Variants in EYS observed in about 807,000 individuals in gnomAD.
EYS encodes EGF-like photoreceptor maintenance factor.
Under a neutral mutation model 282.1 loss-of-function variants are expected in EYS, and 250 were observed. The observed-to-expected ratio is 0.89, with a 90% CI of 0.80 to 0.98. The LOEUF (loss-of-function observed/expected upper bound fraction) is 0.98, where lower values mean the gene tolerates loss of function less well. Among genes scored for constraint, EYS ranks in the 50% least tolerant of loss-of-function variants. The pLI, the probability that EYS is intolerant of heterozygous loss-of-function variation, is 0.00. For synonymous variants in EYS, 1,355 were observed against 1,282.9 expected (o/e 1.06, Z -1.20); for missense variants, 4,016 against 3,709.0 (o/e 1.08, Z -2.15).
chr6:65,372,517 C>A (rs1392406772), intron 8 of EYS, among the ~76,000 whole-genome samples: 2 of 151,568 alleles, frequency 1.3e-5, no homozygotes, highest in Non-Finnish European at 2.9e-5. Flanking sequence ...TATTGGATGC[C>A]ATTTATTTAT....
intron 2 of EYS, among the ~76,000 whole-genome samples, chr6:65,618,655 T>C (rs1227241375): frequency 2.6e-5 from 4 of 152,246 alleles, no homozygotes; most frequent in Middle Eastern, 3.2e-3. Flanking sequence ...TGGTAATGCC[T>C]AGGTTTTCTT....
At chr6:64,930,788 G>T (rs1408925234) in intron 15 of EYS, among the ~76,000 whole-genome samples, 8 of 152,148 alleles carry the variant, frequency 5.3e-5, no homozygotes, top group Admixed American at 5.2e-4. Flanking sequence ...AAGAAAAGCA[G>T]GCCAAAGCAT....
intron 2 of EYS, among the ~76,000 whole-genome samples, chr6:65,627,275 T>G (rs187098327): frequency 6.6e-6 from 1 of 152,324 alleles, no homozygotes; most frequent in Non-Finnish European, 1.5e-5. Context: ...CCCAGTGAAC[T>G]TGTAGCTTTA....
chr6:65,061,691 T>G (rs534153922), intron 12 of EYS, among the ~76,000 whole-genome samples: 17 of 151,964 alleles, frequency 1.1e-4, no homozygotes, highest in African/African-American at 4.1e-4. Flanking sequence ...AGTTTTCCTT[T>G]TAATTGTTTA....
rs201440799 is a variant in EYS at position 63,796,122 on chromosome 6, G to C, written c.7412-6898C>G. ...AAGTCTGTGCTTTGGAGAGACTTTC[G>C]AGGCACACCCGTCCTGCTGTTTCTC... On this transcript the variant is annotated intron_variant, in intron 37 of 42. Coordinates refer to ENST00000503581, the MANE Select transcript of EYS (RefSeq NM_001142800.2). Among the ~76,000 whole-genome samples the C allele has an allele frequency of 1.3e-4, 20 of 152,240 alleles. No individual in the cohort carries two copies. In the East Asian group the frequency reaches 3.5e-3, roughly 26 times the overall value.
chr6:64,597,365 G>T (rs1766619183), intron 24 of EYS, among the ~76,000 whole-genome samples: 1 of 152,092 alleles, frequency 6.6e-6, no homozygotes, highest in Non-Finnish European at 1.5e-5. Flanking sequence ...CCACTACTGG[G>T]TATACAGCCA....
chr6:64,619,044 C>A (rs1767364204), intron 23 of EYS, among the ~76,000 whole-genome samples: 1 of 151,980 alleles, frequency 6.6e-6, no homozygotes, highest in South Asian at 2.1e-4. Context: ...CTAACAAATA[C>A]TAAAGGAATG....
intron 12 of EYS, among the ~76,000 whole-genome samples, chr6:65,065,017 G>C (rs1375187176): frequency 3.3e-5 from 5 of 152,204 alleles, no homozygotes; most frequent in Middle Eastern, 3.4e-3. Context: ...GAAGTGGCAG[G>C]CTGACTTGAG....
At chr6:64,846,651 A>G (rs1765725007) in intron 19 of EYS, among the ~76,000 whole-genome samples, 1 of 152,126 alleles carries the variant, frequency 6.6e-6, no homozygotes, top group Admixed American at 6.6e-5. Context: ...ATATATTCTC[A>G]AAGCAATTGT....
intron 20 of EYS, among the ~76,000 whole-genome samples, chr6:64,822,097 T>C (rs891958074): frequency 2.0e-5 from 3 of 151,996 alleles, no homozygotes; most frequent in Admixed American, 2.0e-4. Flanking sequence ...AAAAGAAAAC[T>C]AACGTGGAAG....
At chr6:65,124,012 G>A (rs1043828035) in intron 12 of EYS, among the ~76,000 whole-genome samples, 3 of 133,478 alleles carry the variant, frequency 2.2e-5, no homozygotes, top group Non-Finnish European at 3.2e-5. Flanking sequence ...AAATCTCTAC[G>A]AAACAGACAA....
chr6:65,283,205 C>T (rs1768271868), intron 12 of EYS, among the ~76,000 whole-genome samples: 1 of 151,850 alleles, frequency 6.6e-6, no homozygotes, highest in Admixed American at 6.6e-5. Context: ...ATCAGAACTC[C>T]ATAGCTAGTG....
At chr6:64,999,995 C>G (rs1226527254) in intron 13 of EYS, among the ~76,000 whole-genome samples, 1 of 152,162 alleles carries the variant, frequency 6.6e-6, no homozygotes, top group Admixed American at 6.5e-5. Context: ...ACAGAAAGCC[C>G]TCTGTCCTTG....
chr6:64,753,128 C>T (rs1160090635), intron 22 of EYS, among the ~76,000 whole-genome samples: 2 of 152,108 alleles, frequency 1.3e-5, no homozygotes, highest in East Asian at 3.8e-4. Flanking sequence ...AAGGGTGATG[C>T]TTGCCATCAG....
chr6:64,871,072 A>G (rs1766580574), intron 19 of EYS, among the ~76,000 whole-genome samples: 1 of 151,888 alleles, frequency 6.6e-6, no homozygotes, highest in African/African-American at 2.4e-5. Flanking sequence ...AAAGTCAAAA[A>G]TATGAACATC....
In EYS at chr6:65,478,593, T is replaced by C. The variant is rs188748851; in HGVS notation, c.862+12001A>G. 4.6e-3 allele frequency among the ~76,000 whole-genome samples: 694 copies of C among 152,286 alleles called. 2 individuals carry two copies. Among genetic ancestry groups the C allele is most frequent in the South Asian group, 0.011 (54 of 4,830 alleles). On this transcript the variant is annotated intron_variant, in intron 5 of 42. Transcript: ENST00000503581. ...TTACTGGTTTCCTCATTTATATTAG[T>C]GAATTTCATTTTTAAACAATTACCA...
intron 14 of EYS, among the ~76,000 whole-genome samples, chr6:64,975,297 TA>T (rs992254013): frequency 5.3e-5 from 8 of 151,540 alleles, no homozygotes; most frequent in East Asian, 1.9e-4. Context: ...CTTTCCTTGT[TA>T]AAAAAAATAC....
chr6:65,291,616 A>G (rs72884822), intron 12 of EYS, among the ~76,000 whole-genome samples: 2,197 of 151,608 alleles, frequency 0.014, 24 homozygotes, highest in Middle Eastern at 0.062. Flanking sequence ...CATGACATGA[A>G]TGGGTAGGAA....
At chr6:64,683,186 T>G (rs1457255775) in intron 22 of EYS, among the ~76,000 whole-genome samples, 1 of 152,166 alleles carries the variant, frequency 6.6e-6, no homozygotes, top group East Asian at 1.9e-4. Context: ...ATCCAAAGGC[T>G]CAATAGCCTA....
Sources: allele counts gnomAD v4.1 joint callset (sites outside exome capture counted in the v4.1 genomes callset), GRCh38; gene constraint gnomAD v4.1.1; transcripts MANE v1.5; gene names NCBI Gene and HGNC (gene_info 2026-07-23, HGNC 2026-07-21).